LOC122539214: variants seen among roughly 807,000 people sequenced by gnomAD.
chr19:52,688,059 T>C, the LOC122539214 span, among the ~76,000 whole-genome samples: 1 of 151,996 alleles, frequency 6.6e-6, no homozygotes, highest in African/African-American at 2.4e-5. Context: ...CTCAATCTCA[T>C]CTTTATAATT....
At chr19:52,662,365 C>T in the LOC122539214 span, among the ~76,000 whole-genome samples, 1 of 152,176 alleles carries the variant, frequency 6.6e-6, no homozygotes, top group African/African-American at 2.4e-5. Context: ...TTTAATATCC[C>T]AGCAGAGAGC....
chr19:52,655,406 T>C, the LOC122539214 span: 2 of 722,794 alleles, frequency 2.8e-6, no homozygotes, highest in East Asian at 5.3e-5. Context: ...TCTAAGAAGC[T>C]GTCTATGACA....
At chr19:52,663,419 C>A in the LOC122539214 span, among the ~76,000 whole-genome samples, 3 of 152,204 alleles carry the variant, frequency 2.0e-5, no homozygotes, top group Non-Finnish European at 2.9e-5. Flanking sequence ...TCTGCTGGAA[C>A]AAGGTTCTAA....
At chr19:52,654,229 C>A in the LOC122539214 span, 1 of 1,580,772 alleles carries the variant, frequency 6.3e-7, no homozygotes. Context: ...ATGGCCATTT[C>A]TTTTAATTTC....
chr19:52,678,442 T>G, the LOC122539214 span, among the ~76,000 whole-genome samples: 1 of 126,688 alleles, frequency 7.9e-6, no homozygotes, highest in African/African-American at 3.0e-5. Context: ...AGAGCGAGAC[T>G]TCATCTCAAA....
the LOC122539214 span, chr19:52,652,859 T>C: frequency 6.0e-6 from 6 of 991,960 alleles, no homozygotes; most frequent in South Asian, 7.7e-5. Flanking sequence ...AAGGATGACA[T>C]ATGACTGAAG....
At chr19:52,678,127 T>C in the LOC122539214 span, among the ~76,000 whole-genome samples, 147 of 151,836 alleles carry the variant, frequency 9.7e-4, no homozygotes, top group African/African-American at 3.4e-3. Flanking sequence ...AGAAAAACAA[T>C]AATGCGCTAA....
At chr19:52,657,874 T>A in the LOC122539214 span, among the ~76,000 whole-genome samples, 1 of 149,642 alleles carries the variant, frequency 6.7e-6, no homozygotes. Context: ...TGGTGGCTCA[T>A]GACTGTAATC....
chr19:52,660,378 T>C, the LOC122539214 span, among the ~76,000 whole-genome samples: 15 of 151,502 alleles, frequency 9.9e-5, no homozygotes, highest in Non-Finnish European at 2.1e-4. Context: ...TTAGCAACAG[T>C]GAAAAACTGT....
chr19:52,673,393 T>C, the LOC122539214 span, among the ~76,000 whole-genome samples: 1 of 151,694 alleles, frequency 6.6e-6, no homozygotes, highest in Non-Finnish European at 1.5e-5. Context: ...ATCTCAGATA[T>C]TCAGGAGGCT....
the LOC122539214 span, chr19:52,674,289 T>C: frequency 2.0e-5 from 3 of 152,262 alleles, no homozygotes; most frequent in South Asian, 2.1e-4. Flanking sequence ...ACCTCAACAA[T>C]ATAAAAGACC....
the LOC122539214 span, among the ~76,000 whole-genome samples, chr19:52,685,534 A>T: frequency 6.6e-6 from 1 of 152,208 alleles, no homozygotes; most frequent in African/African-American, 2.4e-5. Context: ...AACACACAGT[A>T]ATTGACCTTG....
At chr19:52,680,746 G>A in the LOC122539214 span, among the ~76,000 whole-genome samples, 2 of 142,358 alleles carry the variant, frequency 1.4e-5, no homozygotes, top group South Asian at 2.2e-4. Context: ...CCGAGTAACT[G>A]GGACTACAGG....
chr19:52,665,436 A>G, the LOC122539214 span, among the ~76,000 whole-genome samples: 1 of 151,972 alleles, frequency 6.6e-6, no homozygotes, highest in South Asian at 2.1e-4. Flanking sequence ...AAAAAAAAGC[A>G]CTGACCTTGT....
the LOC122539214 span, among the ~76,000 whole-genome samples, chr19:52,657,103 G>A: frequency 3.3e-5 from 5 of 151,698 alleles, no homozygotes; most frequent in African/African-American, 1.2e-4. Flanking sequence ...GGGACACAGC[G>A]AGACCCTATC....
At chr19:52,661,927 G>A in the LOC122539214 span, among the ~76,000 whole-genome samples, 1 of 152,164 alleles carries the variant, frequency 6.6e-6, no homozygotes, top group Non-Finnish European at 1.5e-5. Context: ...GTCCTAGGCC[G>A]AGGGACAGCC....
At chr19:52,680,529 T>C in the LOC122539214 span, among the ~76,000 whole-genome samples, 1 of 152,152 alleles carries the variant, frequency 6.6e-6, no homozygotes, top group Non-Finnish European at 1.5e-5. Flanking sequence ...AAAGACTGTG[T>C]TCTGACAAAC....
chr19:52,653,955 G>C, the LOC122539214 span: 13 of 1,248,526 alleles, frequency 1.0e-5, no homozygotes, highest in Non-Finnish European at 1.4e-5. Context: ...ATGAAGAATG[G>C]AGAAAGTTCT....
At chr19:52,663,559 A>G in the LOC122539214 span, among the ~76,000 whole-genome samples, 1 of 152,204 alleles carries the variant, frequency 6.6e-6, no homozygotes. Context: ...ATGGAGTAAT[A>G]GGCTACTTGA....
Sources: gnomAD v4.1 joint callset for allele counts (sites outside exome capture counted in the v4.1 genomes callset) on GRCh38, gnomAD v4.1.1 for gene constraint, MANE v1.5 for transcripts.